The following POLR2H variants were observed in gnomAD, a reference collection of about 807,000 sequenced individuals.
POLR2H encodes DNA-directed RNA polymerases I, II, and III subunit RPABC3.
A neutral mutation model predicts 18.1 loss-of-function variants in POLR2H; 3 were observed. The observed-to-expected ratio is 0.17, with a 90% CI of 0.08 to 0.43. The LOEUF (loss-of-function observed/expected upper bound fraction) is 0.43, where lower values mean the gene tolerates loss of function less well. POLR2H is among the 20% of genes least tolerant of loss of function. POLR2H has a pLI of 0.99. For missense variants in POLR2H, 103 were observed against 184.6 expected, an observed-to-expected ratio of 0.56 and a Z score of 2.56; for synonymous variants, 76 against 69.0, an observed-to-expected ratio of 1.10 and a Z score of -0.50.
rs1712584321 is a variant in POLR2H, at chr3:184,363,291, A to G, written c.-202A>G. The G allele has an allele frequency of 8.2e-6, 5 of 612,500 alleles. No individual in the cohort carries two copies. Among genetic ancestry groups the G allele is most frequent in the Non-Finnish European group, 1.5e-5 (5 of 338,772 alleles). 37.9% of individuals were successfully genotyped at this position (612,500 alleles called of 1,614,324 possible). On this transcript the variant is annotated 5_prime_UTR_variant, in exon 2 of 6. Transcript: ENST00000456318. ...CTCGGAAGCAATCTTTCGGGACGGA[A>G]GTTAAGTAGCCCCGAGCGGGAGGCT...
In POLR2H at chr3:184,363,229, C is replaced by G. The variant is rs1560273726; in HGVS notation, c.-264C>G. Reference sequence around the variant, plus strand: ...ATTGCTTCCCCGCCCTGGGCAGAGCCACCTGGACATGAGACCCGCCCTCAA... The same window carrying G: ...ATTGCTTCCCCGCCCTGGGCAGAGCGACCTGGACATGAGACCCGCCCTCAA... On this transcript the variant is annotated 5_prime_UTR_variant, in exon 2 of 6. Coordinates refer to ENST00000456318, the MANE Select transcript of POLR2H (RefSeq NM_006232.5). The G allele has an allele frequency of 1.9e-6, 1 of 540,328 alleles. No homozygotes were observed. Among genetic ancestry groups the G allele is most frequent in the Non-Finnish European group, 3.4e-6 (1 of 297,274 alleles). The allele number at this position is 540,328 out of a possible 1,614,324, so 33.5% of individuals were successfully genotyped here.
intron 2 of POLR2H, among the ~76,000 whole-genome samples, 166 bp downstream of exon 2, chr3:184,363,731 G>C (rs559993216): frequency 6.6e-6 from 1 of 152,260 alleles, no homozygotes; most frequent in East Asian, 1.9e-4. Flanking sequence ...AGACTCCCGA[G>C]CTCTCTCTGG....
intron 4 of POLR2H, 123 bp downstream of exon 4, chr3:184,365,349 A>G: frequency 1.3e-6 from 1 of 761,556 alleles, no homozygotes; most frequent in Non-Finnish European, 2.3e-6. Context: ...AGTAACCTTA[A>G]GGAAATTTCT....
At chr3:184,366,674 G>C in intron 4 of POLR2H, 43 bp from the exon 5 acceptor site, 3 of 1,146,968 alleles carry the variant, frequency 2.6e-6, no homozygotes, top group Non-Finnish European at 4.0e-6. Context: ...CTTTTATATT[G>C]TTAATTACTG....
At chr3:184,364,648 G>A in intron 2 of POLR2H, 1 of 392,094 alleles carries the variant, frequency 2.6e-6, no homozygotes, top group African/African-American at 2.0e-5. Flanking sequence ...ACTCCCCTCA[G>A]CACAGTGCCT....
rs745486858 is a variant in POLR2H, at chr3:184,365,205, C to A, written c.230C>A (p.Pro77His). Residue 77 changes from proline (P) to histidine (H), a missense_variant, in exon 4 of 6, where the codon CCC becomes CAC. Transcript: ENST00000456318. The part of the protein sequence containing the change: ...DGTLDDGEYN[P>H]TDDRPSRADQ... ...ACCCTGGATGATGGTGAATACAACCCCACTGATGATAGGCCTTCCAGGTGA... is the reference window on the plus strand; with the variant it reads ...ACCCTGGATGATGGTGAATACAACCACACTGATGATAGGCCTTCCAGGTGA... 1 of 1,610,872 alleles carries A rather than the reference C, an allele frequency of 6.2e-7. No homozygotes were observed. Among genetic ancestry groups the A allele is most frequent in the Non-Finnish European group, 8.5e-7 (1 of 1,177,064 alleles).
At chr3:184,366,238 G>A (rs1713243663) in intron 4 of POLR2H, among the ~76,000 whole-genome samples, 1 of 152,058 alleles carries the variant, frequency 6.6e-6, no homozygotes, top group South Asian at 2.1e-4. Context: ...ATAAAATAGA[G>A]ATGGTCATGC....
intron 4 of POLR2H, among the ~76,000 whole-genome samples, chr3:184,366,148 C>A (rs1713228203): frequency 2.0e-5 from 3 of 152,034 alleles, no homozygotes; most frequent in Admixed American, 2.0e-4. Context: ...AAGACTTTGG[C>A]ACCCCACTTG....
intron 5 of POLR2H, 68 bp downstream of exon 5, chr3:184,366,868 G>T (rs1464228780): frequency 1.0e-6 from 1 of 952,414 alleles, no homozygotes; most frequent in South Asian, 1.3e-5. Context: ...CTATGCTCCT[G>T]CTTCCTCTGT....
At position 184,362,435 on chromosome 3, in the gene POLR2H, G is replaced by C. The variant is rs924390781; in HGVS notation, c.-621+289G>C. On this transcript the variant is annotated intron_variant, in intron 1 of 5. Coordinates refer to ENST00000456318, the MANE Select transcript of POLR2H (RefSeq NM_006232.5). This position sits in a 1 kb window ranked among gnomAD's most constrained non-coding sequence, Gnocchi z 5.9. ...GCGCGCAGGGTGGATGGGCAGCGTA[G>C]AGATAGTGTGAGAGGAGCGAGGGCA... 6.5e-6 allele frequency: 1 copy of C among 152,702 alleles called. No homozygotes were observed. Among genetic ancestry groups the C allele is most frequent in the African/African-American group, 2.4e-5 (1 of 41,440 alleles). 9.5% of individuals were successfully genotyped at this position (152,702 alleles called of 1,614,324 possible).
intron 4 of POLR2H, among the ~76,000 whole-genome samples, chr3:184,365,891 G>A (rs1713169647): frequency 6.7e-6 from 1 of 149,528 alleles, no homozygotes; most frequent in African/African-American, 2.5e-5. Context: ...CAGGAGAATG[G>A]CGTGAACCCG....
At chr3:184,367,869 C>A (rs1713604743) in intron 5 of POLR2H, among the ~76,000 whole-genome samples, 1 of 152,186 alleles carries the variant, frequency 6.6e-6, no homozygotes, top group Non-Finnish European at 1.5e-5. Flanking sequence ...TTTGAACATT[C>A]CCCTGATTTG....
chr3:184,368,398 C>A lies in POLR2H; in HGVS notation c.*104C>A. 1 of 928,792 alleles carries A rather than the reference C, an allele frequency of 1.1e-6. No individual in the cohort carries two copies. Among genetic ancestry groups the A allele is most frequent in the Non-Finnish European group, 1.6e-6 (1 of 624,466 alleles). 57.5% of individuals were successfully genotyped at this position (928,792 alleles called of 1,614,324 possible). A position where few individuals can be genotyped will look rare whatever the true frequency, so the allele number is the denominator to read the frequency against. On this transcript the variant is annotated 3_prime_UTR_variant, in exon 6 of 6. Transcript: ENST00000456318. ...CTCACCTGTTGAGGAAGGGCTGGCT[C>A]ACTGTCCACCGTGGCGGCATCTTTA... is the stretch of plus-strand genomic sequence containing the variant.
chr3:184,365,617 G>A (rs962234553), intron 4 of POLR2H: 1 of 226,230 alleles, frequency 4.4e-6, no homozygotes, highest in Non-Finnish European at 8.8e-6. Context: ...GCTGCAGTGA[G>A]CCATGATTGC....
chr3:184,366,280 G>A (rs942084523), intron 4 of POLR2H, among the ~76,000 whole-genome samples: 1 of 151,678 alleles, frequency 6.6e-6, no homozygotes, highest in African/African-American at 2.4e-5. Context: ...AGGACTAAAT[G>A]ACATCATGTT....
In POLR2H at chr3:184,368,340, G is replaced by A; in HGVS notation, c.*46G>A. 6.6e-7 allele frequency: 1 copy of A among 1,510,888 alleles called. No homozygotes were observed. The highest frequency in any genetic ancestry group is 9.0e-7 in the Non-Finnish European group (1 of 1,115,568). The allele number at this position is 1,510,888 out of a possible 1,614,324, so 93.6% of individuals were successfully genotyped here. On this transcript the variant is annotated 3_prime_UTR_variant, in exon 6 of 6. Coordinates refer to ENST00000456318, the MANE Select transcript of POLR2H (RefSeq NM_006232.5). ...CTCTGCCAAGTCACTCAGGTCATGG[G>A]CATTGTTCAAGCCTGAGTGGCAGCC... is the stretch of plus-strand genomic sequence containing the variant.
intron 4 of POLR2H, among the ~76,000 whole-genome samples, chr3:184,365,992 A>G (rs1713201924): frequency 6.6e-6 from 1 of 151,308 alleles, no homozygotes; most frequent in Admixed American, 6.6e-5. Flanking sequence ...AAAAAAAAAA[A>G]GAAAAAAATT....
At chr3:184,364,029 C>T (rs756387484) in intron 2 of POLR2H, among the ~76,000 whole-genome samples, 1 of 152,118 alleles carries the variant, frequency 6.6e-6, no homozygotes, top group African/African-American at 2.4e-5. Context: ...CCAGCCTGGG[C>T]GGCAGAGCGA....
chr3:184,367,159 G>A (rs1215444379), intron 5 of POLR2H, among the ~76,000 whole-genome samples: 1 of 151,854 alleles, frequency 6.6e-6, no homozygotes. Context: ...GTGTGTGTGT[G>A]TGTGTGTGTG....
Sources: allele counts gnomAD v4.1 joint callset (sites outside exome capture counted in the v4.1 genomes callset), GRCh38; gene constraint gnomAD v4.1.1; non-coding constraint Gnocchi (gnomAD v3.1); transcripts MANE v1.5; gene names NCBI Gene and HGNC (gene_info 2026-07-23, HGNC 2026-07-21).